The following NALCN variants were observed in gnomAD, a reference collection of about 807,000 sequenced individuals.
NALCN encodes the protein sodium leak channel, non-selective, also known as sodium leak channel NALCN.
NALCN carries 111 observed loss-of-function variants against 225.3 expected under a neutral mutation model. The observed-to-expected ratio is 0.49, with a 90% CI of 0.42 to 0.58. NALCN has a LOEUF of 0.58. Ranked by LOEUF, NALCN falls within the 20% of genes least tolerant of loss-of-function variation. The pLI is 0.00. For synonymous variants in NALCN, 764 were observed against 769.0 expected, an observed-to-expected ratio of 0.99 and a Z score of 0.11; for missense variants, 1,378 against 2,202.4, an observed-to-expected ratio of 0.63 and a Z score of 7.49.
intron 40 of NALCN, among the ~76,000 whole-genome samples, chr13:101,064,179 T>C (rs1409594591): frequency 6.6e-6 from 1 of 152,218 alleles, no homozygotes; most frequent in Non-Finnish European, 1.5e-5. Context: ...AAAATATCTA[T>C]GATTTCTCCT....
intron 15 of NALCN, among the ~76,000 whole-genome samples, chr13:101,156,571 T>C (rs1348760619): frequency 6.6e-6 from 1 of 152,092 alleles, no homozygotes; most frequent in Admixed American, 6.6e-5. Context: ...ACCTATCCTC[T>C]CTCTTAAAAT....
chr13:101,167,846 C>A (rs9582453), intron 15 of NALCN, among the ~76,000 whole-genome samples: 39,897 of 99,470 alleles, frequency 0.4, 6,229 homozygotes, highest in East Asian at 0.68. Flanking sequence ...CAAAAAAAAA[C>A]AAAAACAAAA....
chr13:101,376,165 G>A (rs150036500), intron 6 of NALCN, among the ~76,000 whole-genome samples: 98 of 152,044 alleles, frequency 6.4e-4, no homozygotes, highest in African/African-American at 2.1e-3. Context: ...TTTTTTTCCC[G>A]AACATGTAAC....
chr13:101,162,672 G>C, intron 15 of NALCN, among the ~76,000 whole-genome samples: 1 of 152,170 alleles, frequency 6.6e-6, no homozygotes, highest in East Asian at 1.9e-4. Context: ...CACTGCCTGT[G>C]ACAGGATCTG....
rs529214658 is a variant in NALCN at position 101,187,242 on chromosome 13, C to T, written c.1764+4675G>A. 1.8e-4 allele frequency among the ~76,000 whole-genome samples: 28 copies of T among 152,210 alleles called. 1 individual carries two copies. In the East Asian group the frequency reaches 4.4e-3, roughly 24 times the overall value. On this transcript the variant is annotated intron_variant, in intron 14 of 43. Transcript: ENST00000251127. ...TTATTGTTGTTGATTTCTTACTATG[C>T]CTCATTTACAAATTAAACTTTATCA... is the stretch of plus-strand genomic sequence containing the variant.
At chr13:101,073,126 G>A (rs897895727) in intron 37 of NALCN, among the ~76,000 whole-genome samples, 1 of 152,170 alleles carries the variant, frequency 6.6e-6, no homozygotes, top group Non-Finnish European at 1.5e-5. Flanking sequence ...ACAGGATATA[G>A]TAAGAAGGAA....
intron 10 of NALCN, among the ~76,000 whole-genome samples, chr13:101,280,913 C>G (rs1332814639): frequency 2.8e-5 from 4 of 140,384 alleles, no homozygotes; most frequent in Non-Finnish European, 6.1e-5. Flanking sequence ...CAGAGTCTCA[C>G]TCTGTTGCCC....
chr13:101,414,052 A>ATT (rs34061768), intron 1 of NALCN, among the ~76,000 whole-genome samples: 84,073 of 147,452 alleles, frequency 0.57, 24,344 homozygotes, highest in Middle Eastern at 0.63. Context: ...CACTTGGTGA[A>ATT]TTTTTTTTTT....
intron 15 of NALCN, among the ~76,000 whole-genome samples, chr13:101,166,314 C>T (rs187359510): frequency 7.8e-4 from 118 of 152,230 alleles, no homozygotes; most frequent in Non-Finnish European, 8.4e-4. Context: ...TTTTGAGGAA[C>T]TGCCATACTG....
rs553995835 is a variant in NALCN, at chr13:101,328,998, T to C, written c.799+16268A>G. 2.2e-4 allele frequency among the ~76,000 whole-genome samples: 34 copies of C among 152,282 alleles called. No individual in the cohort carries two copies. The South Asian group carries it at 6.6e-3, about 30-fold the overall frequency. ...CTTCTGTTCTCTGCATCTCAACATC[T>C]GTACCATTAGAATAAGTTAATAACA... is the stretch of plus-strand genomic sequence containing the variant. On this transcript the variant is annotated intron_variant, in intron 7 of 43. Transcript: ENST00000251127.
At chr13:101,394,196 G>A (rs1450171849) in intron 3 of NALCN, among the ~76,000 whole-genome samples, 1 of 152,040 alleles carries the variant, frequency 6.6e-6, no homozygotes. Flanking sequence ...ATTTTTTAAA[G>A]TCCACAATAA....
At chr13:101,176,680 T>C (rs1278767834) in intron 14 of NALCN, among the ~76,000 whole-genome samples, 1 of 152,240 alleles carries the variant, frequency 6.6e-6, no homozygotes, top group Non-Finnish European at 1.5e-5. Context: ...TCTAAAAAAG[T>C]GATCTGAACT....
chr13:101,063,163 G>T (rs1165822586), intron 40 of NALCN, among the ~76,000 whole-genome samples: 1 of 152,186 alleles, frequency 6.6e-6, no homozygotes, highest in African/African-American at 2.4e-5. Context: ...GCACCCTGGT[G>T]CACCTGTGAG....
intron 7 of NALCN, among the ~76,000 whole-genome samples, chr13:101,340,702 T>C (rs2045531181): frequency 6.6e-6 from 1 of 152,228 alleles, no homozygotes; most frequent in African/African-American, 2.4e-5. Context: ...TTTGAACAAC[T>C]GTGCTTCAAG....
chr13:101,411,083 C>G (rs2047767996), intron 1 of NALCN, among the ~76,000 whole-genome samples: 1 of 152,144 alleles, frequency 6.6e-6, no homozygotes, highest in Non-Finnish European at 1.5e-5. Flanking sequence ...TTAAATATAC[C>G]TGTAGATCAA....
At chr13:101,229,679 C>T (rs2041272930) in intron 12 of NALCN, 95 bp from the exon 13 acceptor site, 4 of 1,033,108 alleles carry the variant, frequency 3.9e-6, no homozygotes, top group Non-Finnish European at 5.2e-6. Context: ...TTTTATAGTG[C>T]TTTATGAAAA....
intron 17 of NALCN, 160 bp downstream of exon 17, chr13:101,142,920 A>C: frequency 9.4e-7 from 1 of 1,067,882 alleles, no homozygotes; most frequent in Non-Finnish European, 1.4e-6. Flanking sequence ...TGCATAGAGT[A>C]AAAAATGTTA....
chr13:101,407,666 A>T (rs1279017427), intron 1 of NALCN, among the ~76,000 whole-genome samples: 1 of 152,240 alleles, frequency 6.6e-6, no homozygotes, highest in African/African-American at 2.4e-5. Context: ...AATTGGAGGC[A>T]AACATGCCCA....
intron 3 of NALCN, among the ~76,000 whole-genome samples, chr13:101,385,278 A>C (rs566147522): frequency 6.6e-6 from 1 of 151,360 alleles, no homozygotes; most frequent in South Asian, 2.1e-4. Flanking sequence ...TACTTCCATC[A>C]CCCCTGCCAC....
Sources: gnomAD v4.1 joint callset for allele counts (sites outside exome capture counted in the v4.1 genomes callset) on GRCh38, gnomAD v4.1.1 for gene constraint, MANE v1.5 for transcripts, NCBI Gene and HGNC (gene_info 2026-07-23, HGNC 2026-07-21) for gene names.